MS4A15: variants seen among roughly 807,000 people sequenced by gnomAD.
The protein encoded by MS4A15 is membrane-spanning 4-domains subfamily A member 15.
Under a neutral mutation model 20.6 loss-of-function variants are expected in MS4A15, and 22 were observed. That is an observed-to-expected ratio of 1.07 (90% CI 0.76 to 1.52). MS4A15 has a LOEUF of 1.52. MS4A15 is among the 40% of genes most tolerant of loss of function. The pLI is 0.00. For synonymous variants in MS4A15, 129 were observed against 129.3 expected (o/e 1.00, Z 0.02); for missense variants, 312 against 323.0 (o/e 0.97, Z 0.26).
In MS4A15 at chr11:60,775,710, G is replaced by T. The variant is rs113906346; in HGVS notation, c.718G>T (p.Val240Phe). The T allele has an allele frequency of 6.2e-7, 1 of 1,612,700 alleles. No homozygotes were observed. The highest frequency in any genetic ancestry group is 1.1e-5 in the South Asian group (1 of 91,014). Residue 240 changes from valine (V) to phenylalanine (F), a missense_variant, in exon 7 of 7, where the codon GTC becomes TTC. Transcript: ENST00000405633. ...YDNVAYAQGV[V>F] ...CAATGTGGCATATGCCCAAGGAGTC[G>T]TCTGAGTAGCAGATGTGGCACCTGC...
intron 1 of MS4A15, among the ~76,000 whole-genome samples, chr11:60,759,086 A>G (rs779181598): frequency 7.2e-5 from 11 of 152,254 alleles, no homozygotes; most frequent in Non-Finnish European, 1.5e-4. Context: ...TTGCAGCGTA[A>G]GAGCTCCTCT....
intron 1 of MS4A15, among the ~76,000 whole-genome samples, chr11:60,760,459 G>A (rs926308953): frequency 7.9e-5 from 12 of 152,126 alleles, no homozygotes; most frequent in African/African-American, 1.9e-4. Flanking sequence ...CCCTTTGGAC[G>A]TTTTAAATCT....
intron 6 of MS4A15, 81 bp from the exon 7 acceptor site, chr11:60,775,524 T>TTACCC: frequency 8.8e-7 from 1 of 1,134,336 alleles, no homozygotes; most frequent in Non-Finnish European, 1.3e-6. Flanking sequence ...TGTTCTCAGA[T>TTACCC]TACCCACAAG....
intron 1 of MS4A15, among the ~76,000 whole-genome samples, chr11:60,762,404 C>T (rs1232018704): frequency 4.6e-5 from 7 of 152,160 alleles, no homozygotes; most frequent in African/African-American, 1.7e-4. Context: ...TGAAAACACA[C>T]CTGCAAGGGG....
chr11:60,771,850 C>A (rs1400327999), intron 4 of MS4A15: 1 of 1,055,360 alleles, frequency 9.5e-7, no homozygotes, highest in African/African-American at 1.7e-5. Flanking sequence ...TCTGCAGGCA[C>A]TGGGAGGCGA....
intron 1 of MS4A15, 48 bp from the exon 2 acceptor site, chr11:60,763,658 C>G: frequency 6.6e-7 from 1 of 1,520,448 alleles, no homozygotes; most frequent in Non-Finnish European, 9.1e-7. Context: ...AACTAAAAAG[C>G]TTTATGCACA....
chr11:60,773,632 A>G (rs1333733649), intron 5 of MS4A15, 148 bp downstream of exon 5: 2 of 812,402 alleles, frequency 2.5e-6, no homozygotes, highest in Non-Finnish European at 4.1e-6. Flanking sequence ...GGATCCTCTG[A>G]GCCTTCCCCA....
intron 2 of MS4A15, among the ~76,000 whole-genome samples, chr11:60,765,971 G>A (rs978907055): frequency 2.6e-5 from 4 of 152,050 alleles, no homozygotes; most frequent in Non-Finnish European, 4.4e-5. Flanking sequence ...AATGCCACCC[G>A]CTAAGAATAC....
chr11:60,768,710 G>A (rs759237009), intron 3 of MS4A15, among the ~76,000 whole-genome samples: 41 of 152,320 alleles, frequency 2.7e-4, no homozygotes, highest in South Asian at 6.2e-4. Context: ...AGAGGAAATC[G>A]AGAGATAATG....
chr11:60,760,432 A>C (rs1299673536), intron 1 of MS4A15, among the ~76,000 whole-genome samples: 1 of 151,850 alleles, frequency 6.6e-6, no homozygotes, highest in African/African-American at 2.4e-5. Flanking sequence ...TGGCAAACTG[A>C]TGTTACTCAG....
In MS4A15 at chr11:60,775,760, T is replaced by C. The variant is rs768954152; in HGVS notation, c.*45T>C. ...CGGGTGGAGTCCAGCCTTTTCCCTC[T>C]GGGCCCAGCCTCTCCCCACCCCCAC... On this transcript the variant is annotated 3_prime_UTR_variant, in exon 7 of 7. Coordinates refer to ENST00000405633, the MANE Select transcript of MS4A15 (RefSeq NM_001098835.2). 2.6e-6 allele frequency: 4 copies of C among 1,517,200 alleles called. No individual in the cohort carries two copies. In the East Asian group the frequency reaches 9.1e-5, roughly 34 times the overall value. The allele number at this position is 1,517,200 out of a possible 1,614,324, so 94.0% of individuals were successfully genotyped here. A position where few individuals can be genotyped will look rare whatever the true frequency, so the allele number is the denominator to read the frequency against.
At chr11:60,760,689 T>C (rs11230466) in intron 1 of MS4A15, among the ~76,000 whole-genome samples, 49,465 of 152,110 alleles carry the variant, frequency 0.33, 8,435 homozygotes, top group Middle Eastern at 0.4. Context: ...ACTGGGATTC[T>C]CTGTAACTCA....
chr11:60,766,090 C>T (rs1457623263), intron 2 of MS4A15, among the ~76,000 whole-genome samples: 1 of 152,192 alleles, frequency 6.6e-6, no homozygotes, highest in Non-Finnish European at 1.5e-5. Flanking sequence ...ATAATAATAA[C>T]CTACCTCTGG....
chr11:60,763,609 G>C, intron 1 of MS4A15, 97 bp from the exon 2 acceptor site: 2 of 991,210 alleles, frequency 2.0e-6, no homozygotes, highest in Non-Finnish European at 3.0e-6. Context: ...CATACTGGCA[G>C]GGCTGCAGTA....
At chr11:60,768,298 C>T (rs1853933934) in intron 3 of MS4A15, among the ~76,000 whole-genome samples, 2 of 152,348 alleles carry the variant, frequency 1.3e-5, no homozygotes, top group South Asian at 4.1e-4. Flanking sequence ...CGCAGAAACC[C>T]TCTAGCTCCC....
At chr11:60,767,776 C>A in intron 3 of MS4A15, 121 bp downstream of exon 3, 1 of 1,223,700 alleles carries the variant, frequency 8.2e-7, no homozygotes, top group Non-Finnish European at 1.1e-6. Flanking sequence ...GGCCTGGAGG[C>A]ACTTCCTAGA....
chr11:60,761,199 G>C (rs1359686322), intron 1 of MS4A15, among the ~76,000 whole-genome samples: 1 of 152,176 alleles, frequency 6.6e-6, no homozygotes, highest in Non-Finnish European at 1.5e-5. Flanking sequence ...ATTTGGGATG[G>C]ATTAAACTTA....
intron 6 of MS4A15, among the ~76,000 whole-genome samples, chr11:60,774,819 G>A (rs894655435): frequency 9.9e-5 from 15 of 152,228 alleles, no homozygotes; most frequent in Non-Finnish European, 2.2e-4. Flanking sequence ...TGCACGATGG[G>A]ATGCATTGAG....
chr11:60,774,092 G>C (rs370336313), intron 6 of MS4A15, 142 bp downstream of exon 6: 6 of 672,574 alleles, frequency 8.9e-6, no homozygotes, highest in African/African-American at 5.3e-5. Context: ...CGCTAGGAAG[G>C]GTGTCCCATC....
Sources: allele counts gnomAD v4.1 joint callset (sites outside exome capture counted in the v4.1 genomes callset), GRCh38; gene constraint gnomAD v4.1.1; transcripts MANE v1.5; gene names NCBI Gene and HGNC (gene_info 2026-07-23, HGNC 2026-07-21).